CCDC141: variants seen among roughly 807,000 people sequenced by gnomAD.
CCDC141 encodes coiled-coil domain containing 141, also known as coiled-coil domain-containing protein 141.
In CCDC141, 168 loss-of-function variants were observed where a neutral mutation model predicts 181.0. That is an observed-to-expected ratio of 0.93 (90% CI 0.82 to 1.05). The LOEUF (loss-of-function observed/expected upper bound fraction) is 1.05, where lower values mean the gene tolerates loss of function less well. CCDC141 is among the 50% of genes least tolerant of loss of function. The pLI is 0.00. For synonymous variants in CCDC141, 666 were observed against 642.3 expected, an observed-to-expected ratio of 1.04 and a Z score of -0.56; for missense variants, 1,902 against 1,788.5, an observed-to-expected ratio of 1.06 and a Z score of -1.14.
At chr2:178,888,434 A>G (rs1686988643) in intron 9 of CCDC141, 93 bp downstream of exon 9, 2 of 1,152,782 alleles carry the variant, frequency 1.7e-6, no homozygotes, top group Non-Finnish European at 2.5e-6. Context: ...CTAAGGAGAC[A>G]TGCCCCTGTC....
chr2:178,943,091 T>C (rs1433235869), intron 6 of CCDC141, among the ~76,000 whole-genome samples: 1 of 152,184 alleles, frequency 6.6e-6, no homozygotes, highest in Non-Finnish European at 1.5e-5. Flanking sequence ...GTACACTATA[T>C]ACTGCTTTTT....
At chr2:178,937,118 C>A (rs1307711981) in intron 6 of CCDC141, among the ~76,000 whole-genome samples, 2 of 152,090 alleles carry the variant, frequency 1.3e-5, no homozygotes, top group Non-Finnish European at 2.9e-5. Context: ...CTAGGATTTC[C>A]AATACTATGT....
intron 5 of CCDC141, among the ~76,000 whole-genome samples, chr2:178,952,880 CTTCT>C (rs1690009597): frequency 9.5e-6 from 1 of 105,128 alleles, no homozygotes; most frequent in Non-Finnish European, 2.3e-5. Flanking sequence ...ATTTTTTTCT[CTTCT>C]TTTTTTTGAG....
intron 21 of CCDC141, among the ~76,000 whole-genome samples, chr2:178,848,766 C>T (rs1004525829): frequency 1.3e-5 from 2 of 151,956 alleles, no homozygotes; most frequent in African/African-American, 4.8e-5. Context: ...GCAGCAGCTC[C>T]TCGGTGGTGG....
chr2:178,907,119 G>A (rs1688007055), intron 7 of CCDC141, among the ~76,000 whole-genome samples: 1 of 152,160 alleles, frequency 6.6e-6, no homozygotes, highest in Non-Finnish European at 1.5e-5. Flanking sequence ...AATAACTATA[G>A]TTTAATAAGA....
At chr2:179,027,742 T>G in intron 2 of CCDC141, among the ~76,000 whole-genome samples, 1 of 147,164 alleles carries the variant, frequency 6.8e-6, no homozygotes, top group East Asian at 2.1e-4. Context: ...GACTTGTTCC[T>G]CCTTGCCTTC....
intron 8 of CCDC141, among the ~76,000 whole-genome samples, chr2:178,900,990 G>C (rs1384879101): frequency 6.6e-6 from 1 of 152,132 alleles, no homozygotes; most frequent in Non-Finnish European, 1.5e-5. Flanking sequence ...AAAGCTCAGA[G>C]AGGTGGAACT....
At chr2:178,981,072 G>A (rs1691365722) in intron 2 of CCDC141, among the ~76,000 whole-genome samples, 2 of 152,262 alleles carry the variant, frequency 1.3e-5, no homozygotes, top group South Asian at 4.1e-4. Context: ...ATGGGTATGA[G>A]CCTAACAACA....
At chr2:178,834,513 T>C in intron 23 of CCDC141, 73 bp from the exon 24 acceptor site, 1 of 1,467,440 alleles carries the variant, frequency 6.8e-7, no homozygotes, top group Non-Finnish European at 9.1e-7. Context: ...TAATAATGCT[T>C]GCAAATAGGC....
chr2:178,985,988 AC>A (rs1396948708), intron 2 of CCDC141, among the ~76,000 whole-genome samples: 1 of 152,224 alleles, frequency 6.6e-6, no homozygotes. Flanking sequence ...TCATTCGGAT[AC>A]CAAAGCCGGG....
In CCDC141 at chr2:178,834,029, A is replaced by C. The variant is rs1684367982; in HGVS notation, c.*144T>G. ...TCCAGAAAATTTGATTATTTCACCT[A>C]GCAGTGGTATTAGCCAAACAAGTAT... On this transcript the variant is annotated 3_prime_UTR_variant, in exon 24 of 24. Coordinates refer to ENST00000443758, the MANE Select transcript of CCDC141 (RefSeq NM_173648.4). 5 of 776,290 alleles carry C rather than the reference A, an allele frequency of 6.4e-6. No homozygotes were observed. The East Asian group carries it at 1.4e-4, about 21-fold the overall frequency. The allele number at this position is 776,290 out of a possible 1,614,324, so 48.1% of individuals were successfully genotyped here. A position where few individuals can be genotyped will look rare whatever the true frequency, so the allele number is the denominator to read the frequency against.
intron 6 of CCDC141, among the ~76,000 whole-genome samples, chr2:178,920,967 T>A (rs886160983): frequency 1.3e-5 from 2 of 152,154 alleles, no homozygotes; most frequent in Non-Finnish European, 2.9e-5. Flanking sequence ...GATATTATTA[T>A]TTTTTCTAGT....
rs367671853 is a variant in CCDC141 at position 178,859,475 on chromosome 2, C to T, written c.2725-3078G>A. On this transcript the variant is annotated intron_variant, in intron 17 of 23. Coordinates refer to ENST00000443758, the MANE Select transcript of CCDC141 (RefSeq NM_173648.4). ...GGGGAATGGCGGGATGGGGCTGAGACAACTGCTCAAGTTGAGCACATAAGT... is the reference window on the plus strand; with the variant it reads ...GGGGAATGGCGGGATGGGGCTGAGATAACTGCTCAAGTTGAGCACATAAGT... Among the ~76,000 whole-genome samples, 4 of 152,160 alleles carry T rather than the reference C, an allele frequency of 2.6e-5. No homozygotes were observed. In the East Asian group the frequency reaches 7.7e-4, roughly 29 times the overall value.
chr2:178,907,190 T>C (rs1688010014), intron 7 of CCDC141, among the ~76,000 whole-genome samples: 1 of 152,232 alleles, frequency 6.6e-6, no homozygotes, highest in Non-Finnish European at 1.5e-5. Context: ...TCAATGAATA[T>C]TGAATGCCTG....
intron 22 of CCDC141, 92 bp from the exon 23 acceptor site, chr2:178,837,836 C>A: frequency 7.2e-7 from 1 of 1,380,540 alleles, no homozygotes; most frequent in Non-Finnish European, 9.4e-7. Flanking sequence ...AGAGATAACT[C>A]GAGACAACCT....
At chr2:178,997,801 A>C (rs1692355147) in intron 2 of CCDC141, among the ~76,000 whole-genome samples, 1 of 152,192 alleles carries the variant, frequency 6.6e-6, no homozygotes, top group South Asian at 2.1e-4. Context: ...TAGCAATTTC[A>C]TAAGATGTGT....
At chr2:179,039,147 A>G (rs2043225927) in intron 2 of CCDC141, among the ~76,000 whole-genome samples, 1 of 152,036 alleles carries the variant, frequency 6.6e-6, no homozygotes, top group African/African-American at 2.4e-5. Context: ...TTTCCACTTG[A>G]TTTTATTTTC....
the CCDC141 span, chr2:178,817,536 C>T: frequency 4.2e-6 from 2 of 470,924 alleles, no homozygotes; most frequent in African/African-American, 4.0e-5. Flanking sequence ...TTCAGTATCT[C>T]CAGGTACCAC....
Position 178,850,102 on chromosome 2 carries a change from C to T in CCDC141, c.3304G>A (p.Glu1102Lys). 1 of 1,611,738 alleles carries T rather than the reference C, an allele frequency of 6.2e-7. No individual in the cohort carries two copies. The highest frequency in any genetic ancestry group is 8.5e-7 in the Non-Finnish European group (1 of 1,178,702). ...GACTCACATAATTCAGTCACAGATT[C>T]AAGAACCTCTTTGTGTTTTGTCACT... ...KIVTKHKEVLESVTELCESLT... is the reference protein window; with the variant it reads ...KIVTKHKEVLKSVTELCESLT... Residue 1102 changes from glutamate (E) to lysine (K), a missense_variant, in exon 21 of 24, where the codon GAA becomes AAA. Glu to Lys is a moderately conservative substitution (Grantham distance 56). Transcript: ENST00000443758.
Sources: allele counts gnomAD v4.1 joint callset (sites outside exome capture counted in the v4.1 genomes callset), GRCh38; gene constraint gnomAD v4.1.1; transcripts MANE v1.5; gene names NCBI Gene and HGNC (gene_info 2026-07-23, HGNC 2026-07-21).